RIGI: variants seen among roughly 807,000 people sequenced by gnomAD.
The protein encoded by RIGI is RNA sensor RIG-I.
chr9:32,494,510 T>G, the RIGI span, among the ~76,000 whole-genome samples: 1 of 152,148 alleles, frequency 6.6e-6, no homozygotes, highest in Non-Finnish European at 1.5e-5. Context: ...ACATAAGATG[T>G]TCAACCTCAT....
the RIGI span, among the ~76,000 whole-genome samples, chr9:32,519,458 A>G: frequency 4.6e-5 from 7 of 152,240 alleles, no homozygotes; most frequent in Non-Finnish European, 1.0e-4. Flanking sequence ...AATGAACTAG[A>G]GAGCTATAAG....
chr9:32,457,999 T>C, the RIGI span, among the ~76,000 whole-genome samples: 1 of 152,168 alleles, frequency 6.6e-6, no homozygotes, highest in Admixed American at 6.5e-5. Context: ...GAAAGGACCT[T>C]TTACAGCTAA....
chr9:32,489,232 G>A, the RIGI span: 1 of 655,812 alleles, frequency 1.5e-6, no homozygotes, highest in South Asian at 2.2e-5. Context: ...TTTCTCAAAA[G>A]ACACATGGAA....
At chr9:32,491,695 G>A in the RIGI span, among the ~76,000 whole-genome samples, 72 of 139,932 alleles carry the variant, frequency 5.1e-4, 1 homozygote, top group African/African-American at 1.8e-3. Flanking sequence ...ACAAGACCTC[G>A]GAGGGATTCG....
At chr9:32,493,844 A>G in the RIGI span, 1 of 1,611,410 alleles carries the variant, frequency 6.2e-7, no homozygotes, top group East Asian at 2.2e-5. Context: ...CTGGTTTTAA[A>G]TTCTGGTTGT....
the RIGI span, among the ~76,000 whole-genome samples, chr9:32,495,664 T>TC: frequency 6.7e-6 from 1 of 148,952 alleles, no homozygotes; most frequent in Non-Finnish European, 1.5e-5. Flanking sequence ...TTTGCCTTTT[T>TC]TTTTTTTTTT....
the RIGI span, among the ~76,000 whole-genome samples, chr9:32,517,177 T>G: frequency 0.57 from 86,553 of 151,968 alleles, 25,011 homozygotes; most frequent in Middle Eastern, 0.68. Context: ...TGGCCCCAGG[T>G]TTCTTTGGAA....
At chr9:32,488,911 A>G in the RIGI span, 1 of 1,579,296 alleles carries the variant, frequency 6.3e-7, no homozygotes, top group Non-Finnish European at 8.6e-7. Context: ...AGGAAAAAAG[A>G]AAACATGTAA....
chr9:32,488,250 G>A, the RIGI span: 2 of 1,575,688 alleles, frequency 1.3e-6, no homozygotes, highest in African/African-American at 2.7e-5. Context: ...ATGTGGATAA[G>A]GAACCACAAA....
At chr9:32,504,038 A>AACACACAC in the RIGI span, among the ~76,000 whole-genome samples, 380 of 135,762 alleles carry the variant, frequency 2.8e-3, 6 homozygotes, top group African/African-American at 9.9e-3. Context: ...CAAGACTCCA[A>AACACACAC]ACACACACAC....
chr9:32,485,614 C>T, the RIGI span: 3 of 408,670 alleles, frequency 7.3e-6, no homozygotes, highest in Non-Finnish European at 1.4e-5. Context: ...GATCTCGGCT[C>T]ACTGCAACCT....
At chr9:32,501,346 A>AT in the RIGI span, among the ~76,000 whole-genome samples, 58 of 76,204 alleles carry the variant, frequency 7.6e-4, 1 homozygote, top group South Asian at 2.0e-3. Context: ...AAAAAAAAAA[A>AT]TTTTTTTAAT....
chr9:32,517,069 C>A, the RIGI span, among the ~76,000 whole-genome samples: 1 of 152,172 alleles, frequency 6.6e-6, no homozygotes, highest in Non-Finnish European at 1.5e-5. Flanking sequence ...ATGGGAAAGC[C>A]AGGTGGAGTC....
the RIGI span, among the ~76,000 whole-genome samples, chr9:32,508,868 C>T: frequency 7.2e-5 from 11 of 152,274 alleles, 1 homozygote; most frequent in Admixed American, 6.5e-4. Context: ...TTCTCGCTGC[C>T]AGCACAACAA....
At chr9:32,472,639 C>T in the RIGI span, among the ~76,000 whole-genome samples, 1 of 152,180 alleles carries the variant, frequency 6.6e-6, no homozygotes, top group Non-Finnish European at 1.5e-5. Flanking sequence ...GGGTTCCAGT[C>T]TGTTCCTGAT....
chr9:32,501,533 GAAGT>G, the RIGI span, among the ~76,000 whole-genome samples: 6 of 152,102 alleles, frequency 3.9e-5, no homozygotes, highest in African/African-American at 1.4e-4. Context: ...GAGAAGGAAG[GAAGT>G]AAGGGATACT....
chr9:32,522,397 G>A, the RIGI span, among the ~76,000 whole-genome samples: 1 of 152,076 alleles, frequency 6.6e-6, no homozygotes, highest in African/African-American at 2.4e-5. Context: ...GTGTTTTCTT[G>A]CATACATTTA....
the RIGI span, among the ~76,000 whole-genome samples, chr9:32,504,801 TAA>T: frequency 7.4e-6 from 1 of 134,912 alleles, no homozygotes; most frequent in South Asian, 2.2e-4. Flanking sequence ...ATTTAATACA[TAA>T]AATATATAAA....
the RIGI span, among the ~76,000 whole-genome samples, chr9:32,487,178 T>C: frequency 6.6e-6 from 1 of 152,358 alleles, no homozygotes; most frequent in South Asian, 2.1e-4. Context: ...GGCTATCTGA[T>C]GCCTAAATTC....
Sources: allele counts gnomAD v4.1 joint callset (sites outside exome capture counted in the v4.1 genomes callset), GRCh38; gene constraint gnomAD v4.1.1; transcripts MANE v1.5; gene names NCBI Gene and HGNC (gene_info 2026-07-23, HGNC 2026-07-21).